Variants in TGFB1 observed in about 807,000 individuals in gnomAD.
The protein encoded by TGFB1 is transforming growth factor beta 1.
A neutral mutation model predicts 43.8 loss-of-function variants in TGFB1; 19 were observed. The observed-to-expected ratio is 0.43, with a 90% CI of 0.30 to 0.64. TGFB1 has a LOEUF of 0.64. Ranked by LOEUF, TGFB1 falls within the 30% of genes least tolerant of loss-of-function variation. The probability of loss-of-function intolerance (pLI) is 0.11; values close to 1 mark genes in which losing one functional copy is unlikely to be tolerated. For synonymous variants in TGFB1, 221 were observed against 236.3 expected (o/e 0.94, Z 0.60); for missense variants, 445 against 529.8 (o/e 0.84, Z 1.57).
Position 41,332,243 on chromosome 19 carries a change from A to G in TGFB1, c.899T>C (p.Ile300Thr), listed in dbSNP as rs201635147. The G allele has an allele frequency of 5.0e-6, 8 of 1,614,094 alleles. No individual in the cohort carries two copies. The highest frequency in any genetic ancestry group is 1.7e-5 in the Admixed American group (1 of 60,008). Reference protein sequence around the residue: ...EKNCCVRQLYIDFRKDLGWKW... With the variant: ...EKNCCVRQLYTDFRKDLGWKW... ...CCAGCCGAGGTCCTTGCGGAAGTCA[A>G]TGTACAGCTGCCGCACGCAGCAGTT... is the stretch of plus-strand genomic sequence containing the variant. The change falls in exon 6 of 7, where the codon ATT (isoleucine) becomes ACT (threonine). Residue 300 changes from isoleucine to threonine, a missense_variant. Ile to Thr is a moderately conservative substitution (Grantham distance 89). Transcript: ENST00000221930.
chr19:41,339,086 A>C (rs28730295), intron 5 of TGFB1, among the ~76,000 whole-genome samples: 194 of 150,646 alleles, frequency 1.3e-3, no homozygotes, highest in African/African-American at 4.5e-3. Flanking sequence ...CTTTCTAGAA[A>C]ACTGTTAGGA....
rs183814787 is a variant in TGFB1 at position 41,352,314 on chromosome 19, G to C, written c.355+376C>G. Among the ~76,000 whole-genome samples the C allele has an allele frequency of 2.3e-3, 351 of 150,564 alleles. 5 individuals are homozygous for C. The highest frequency in any genetic ancestry group is 8.4e-3 in the African/African-American group (341 of 40,742). On this transcript the variant is annotated intron_variant, in intron 1 of 6. Transcript: ENST00000221930. ...GGGGTCTTCGCTTCTCCCACACCAG[G>C]CTCCCTTCTCTGCACCTGGCACCCC... is the stretch of plus-strand genomic sequence containing the variant.
At chr19:41,347,391 A>C (rs538422089) in intron 2 of TGFB1, among the ~76,000 whole-genome samples, 2 of 152,274 alleles carry the variant, frequency 1.3e-5, no homozygotes, top group South Asian at 4.1e-4. Flanking sequence ...TGGCTGTCAT[A>C]TTGGACAGAA....
chr19:41,352,863 C>T lies in TGFB1; in HGVS notation c.182G>A (p.Ser61Asn). ...CGGCACCTCCCCCTGGCTCGGGGGG[C>T]TGGCGAGCCGCAGCTTGGACAGGAT... is the stretch of plus-strand genomic sequence containing the variant. The part of the protein sequence containing the change: ...GQILSKLRLA[S>N]PPSQGEVPPG... Residue 61 changes from serine (S) to asparagine (N), a missense_variant, in exon 1 of 7, where the codon AGC becomes AAC. By Grantham distance (46) the Ser-to-Asn change is conservative. Around this residue, in one of 3 missense-constraint regions of TGFB1, gnomAD observed 366 missense variants for 428.8 expected, o/e 0.85. Transcript: ENST00000221930. The T allele has an allele frequency of 1.3e-6, 2 of 1,563,778 alleles. No individual in the cohort carries two copies. Among genetic ancestry groups the T allele is most frequent in the Non-Finnish European group, 8.6e-7 (1 of 1,156,490 alleles).
chr19:41,353,423 T>G lies in TGFB1; in HGVS notation c.-379A>C. 2 of 188,372 alleles carry G rather than the reference T, an allele frequency of 1.1e-5. No homozygotes were observed. Among genetic ancestry groups the G allele is most frequent in the East Asian group, 1.4e-4 (1 of 7,246 alleles). 11.7% of individuals were successfully genotyped at this position (188,372 alleles called of 1,614,324 possible). The stretch of plus-strand genomic sequence containing the variant: ...GCGCCCGAGGTCTGGGGAAAAGTCT[T>G]TGCGGGAGGCCGGGTCGGCGACTCC... On this transcript the variant is annotated 5_prime_UTR_variant, in exon 1 of 7. Coordinates refer to ENST00000221930, the MANE Select transcript of TGFB1 (RefSeq NM_000660.7). This position sits in a 1 kb window ranked among gnomAD's most constrained non-coding sequence, Gnocchi z 5.9.
At chr19:41,352,410 C>T (rs970269057) in intron 1 of TGFB1, among the ~76,000 whole-genome samples, 1 of 145,452 alleles carries the variant, frequency 6.9e-6, no homozygotes, top group Non-Finnish European at 1.5e-5. Context: ...GCTTGTCTCC[C>T]TCTAGGGGAC....
Position 41,341,875 on chromosome 19 carries a change from A to G in TGFB1, c.860+8T>C. 1 of 1,613,068 alleles carries G rather than the reference A, an allele frequency of 6.2e-7. No individual in the cohort carries two copies. Among genetic ancestry groups the G allele is most frequent in the Non-Finnish European group, 8.5e-7 (1 of 1,179,870 alleles). On this transcript the variant is annotated splice_region_variant and intron_variant, in intron 5 of 6. Coordinates refer to ENST00000221930, the MANE Select transcript of TGFB1 (RefSeq NM_000660.7). ...CTGGAAGGCCTCCATCCAGGCTACA[A>G]GGCTCACCTGAAGCAATAGTTGGTG...
chr19:41,352,351 C>G (rs956238860), intron 1 of TGFB1, among the ~76,000 whole-genome samples: 5 of 146,200 alleles, frequency 3.4e-5, no homozygotes, highest in African/African-American at 1.3e-4. Flanking sequence ...CGACCCCCCC[C>G]CCCATTCAAC....
chr19:41,338,106 T>C (rs1331042455), intron 5 of TGFB1, among the ~76,000 whole-genome samples: 1 of 151,836 alleles, frequency 6.6e-6, no homozygotes, highest in Admixed American at 6.6e-5. Flanking sequence ...GCAGGAGAAT[T>C]GCTTGAACCT....
chr19:41,337,521 C>A (rs1355238288), intron 5 of TGFB1, among the ~76,000 whole-genome samples: 1 of 152,174 alleles, frequency 6.6e-6, no homozygotes, highest in African/African-American at 2.4e-5. Context: ...AAGTGATCCA[C>A]CTGCCTCAGC....
intron 1 of TGFB1, among the ~76,000 whole-genome samples, chr19:41,348,974 T>G (rs920758900): frequency 2.6e-5 from 4 of 152,050 alleles, no homozygotes; most frequent in Admixed American, 1.3e-4. Flanking sequence ...TTTCTCCCCC[T>G]AGGTTTGTTT....
intron 2 of TGFB1, among the ~76,000 whole-genome samples, chr19:41,346,325 G>A (rs2038115604): frequency 6.6e-6 from 1 of 152,124 alleles, no homozygotes; most frequent in Non-Finnish European, 1.5e-5. Flanking sequence ...ACTCCAGCCT[G>A]GGCAACAGGA....
At chr19:41,344,904 T>C (rs1160325038) in intron 2 of TGFB1, 40 bp from the exon 3 acceptor site, 1 of 1,517,796 alleles carries the variant, frequency 6.6e-7, no homozygotes, top group Non-Finnish European at 9.0e-7. Flanking sequence ...AGTGGGTAGA[T>C]GGTGTCACGA....
Position 41,331,157 on chromosome 19 carries a change from G to A in TGFB1, c.1068C>T (p.Cys356=). The A allele has an allele frequency of 6.4e-7, 1 of 1,561,084 alleles. No homozygotes were observed. The highest frequency in any genetic ancestry group is 8.7e-7 in the Non-Finnish European group (1 of 1,155,372). The change falls in exon 7 of 7, where the codon TGC becomes TGT. Residue 356 remains cysteine, a synonymous_variant. Transcript: ENST00000221930. ...HNPGASAAPC[C]VPQALEPLPI... is the part of the protein sequence containing the mutation. ...GCAGCGGCTCCAGCGCCTGCGGCACGCAGCACGGCGCCGCCGAGGCGCCCG... is the reference window on the plus strand; with the variant it reads ...GCAGCGGCTCCAGCGCCTGCGGCACACAGCACGGCGCCGCCGAGGCGCCCG...
chr19:41,353,242 A>C lies in TGFB1; in HGVS notation c.-198T>G. On this transcript the variant is annotated 5_prime_UTR_variant, in exon 1 of 7. Coordinates refer to ENST00000221930, the MANE Select transcript of TGFB1 (RefSeq NM_000660.7). The surrounding 1 kb of genome is among the most constrained non-coding windows in gnomAD (Gnocchi z 5.9). ...GGGTGTCTCAGTATCCCACGGAAAT[A>C]ACCTAGATGGGCGCGATCTGGTACC... 1 of 618,158 alleles carries C rather than the reference A, an allele frequency of 1.6e-6. No individual in the cohort carries two copies. The highest frequency in any genetic ancestry group is 2.6e-6 in the Non-Finnish European group (1 of 378,044). The allele number at this position is 618,158 out of a possible 1,614,324, so 38.3% of individuals were successfully genotyped here.
chr19:41,334,909 G>A (rs984227153), intron 5 of TGFB1, among the ~76,000 whole-genome samples: 1 of 151,410 alleles, frequency 6.6e-6, no homozygotes, highest in Middle Eastern at 3.2e-3. Context: ...GGGCCATCAT[G>A]GGCAGGCTTA....
intron 5 of TGFB1, among the ~76,000 whole-genome samples, 171 bp from the exon 6 acceptor site, chr19:41,332,452 CACTA>C (rs1460021257): frequency 3.3e-5 from 5 of 152,302 alleles, no homozygotes; most frequent in Admixed American, 3.3e-4. Context: ...TCATGATAAT[CACTA>C]ACACAGATTA....
In TGFB1 at chr19:41,342,263, G is replaced by A. The variant is rs1393711945; in HGVS notation, c.635-16C>T. 6.3e-7 allele frequency: 1 copy of A among 1,581,310 alleles called. No homozygotes were observed. The highest frequency in any genetic ancestry group is 8.6e-7 in the Non-Finnish European group (1 of 1,164,604). Reference sequence around the variant, plus strand: ...TCAATTTCCCCTGTAGGAGTGGCGAGAGGGAAGCCAGTCTGAGAGTGCAGC... The same window carrying A: ...TCAATTTCCCCTGTAGGAGTGGCGAAAGGGAAGCCAGTCTGAGAGTGCAGC... On this transcript the variant is annotated splice_polypyrimidine_tract_variant and intron_variant, in intron 3 of 6. Transcript: ENST00000221930.
intron 3 of TGFB1, among the ~76,000 whole-genome samples, chr19:41,344,036 G>T (rs905420675): frequency 1.8e-5 from 2 of 111,946 alleles, no homozygotes; most frequent in African/African-American, 3.8e-5. Context: ...AGGCTGGATT[G>T]CAGTAGTGTG....
Sources: gnomAD v4.1 joint callset for allele counts (sites outside exome capture counted in the v4.1 genomes callset) on GRCh38, gnomAD v4.1.1 for gene constraint, gnomAD v4.1.1 regional missense constraint, Gnocchi (gnomAD v3.1) non-coding constraint, MANE v1.5 for transcripts, NCBI Gene and HGNC (gene_info 2026-07-23, HGNC 2026-07-21) for gene names.